Variants in DMGDH observed in about 807,000 individuals in gnomAD.
DMGDH encodes dimethylglycine dehydrogenase, mitochondrial.
In DMGDH, 76 loss-of-function variants were observed where a neutral mutation model predicts 95.2. The ratio of observed to expected loss-of-function variants is 0.80; its 90% confidence interval spans 0.66 to 0.97. The LOEUF (loss-of-function observed/expected upper bound fraction) is 0.97, where lower values mean the gene tolerates loss of function less well. DMGDH is among the 50% of genes least tolerant of loss of function. The pLI, the probability that DMGDH is intolerant of heterozygous loss-of-function variation, is 0.00. For synonymous variants in DMGDH, 345 were observed against 377.6 expected, an observed-to-expected ratio of 0.91 and a Z score of 1.00; for missense variants, 987 against 1,055.0, an observed-to-expected ratio of 0.94 and a Z score of 0.89.
chr5:79,046,809 AT>A (rs1174661265), intron 5 of DMGDH, among the ~76,000 whole-genome samples: 1 of 152,214 alleles, frequency 6.6e-6, no homozygotes, highest in African/African-American at 2.4e-5. Context: ...AAAAATCAAA[AT>A]TTTTAGCTAA....
Position 79,051,333 on chromosome 5 carries a change from T to C in DMGDH, c.699A>G (p.Glu233=). ...KARSDGTWDV[E]TPQGSMRANR... ...TTGCTCTCATAGACCCCTGTGGTGT[T>C]TCAACGTCCCATGTTCCATCTGACC... The change falls in exon 5 of 16, where the codon GAA becomes GAG. Residue 233 remains glutamate (E), a synonymous_variant. Coordinates refer to ENST00000255189, the MANE Select transcript of DMGDH (RefSeq NM_013391.3). The C allele has an allele frequency of 6.2e-7, 1 of 1,614,192 alleles. No homozygotes were observed. Among genetic ancestry groups the C allele is most frequent in the Non-Finnish European group, 8.5e-7 (1 of 1,180,036 alleles).
At chr5:79,007,406 T>C (rs1753571544) in intron 14 of DMGDH, among the ~76,000 whole-genome samples, 6 of 152,156 alleles carry the variant, frequency 3.9e-5, no homozygotes, top group Admixed American at 3.9e-4. Context: ...TAAACTCAGA[T>C]TTTGGTATAT....
intron 9 of DMGDH, 46 bp downstream of exon 9, chr5:79,032,641 T>G: frequency 6.2e-7 from 1 of 1,613,574 alleles, no homozygotes; most frequent in Non-Finnish European, 8.5e-7. Context: ...GTCCCGTTGT[T>G]TCACCCCTCG....
chr5:79,054,702 G>A (rs1754971413), intron 3 of DMGDH, among the ~76,000 whole-genome samples: 1 of 152,168 alleles, frequency 6.6e-6, no homozygotes, highest in Non-Finnish European at 1.5e-5. Flanking sequence ...AACAAAAACT[G>A]TATGAAAAAG....
intron 2 of DMGDH, among the ~76,000 whole-genome samples, chr5:79,062,193 TCTC>T (rs1452253976): frequency 6.6e-6 from 1 of 151,814 alleles, no homozygotes; most frequent in Non-Finnish European, 1.5e-5. Context: ...ACCTCCTTCT[TCTC>T]CTCCTCCATC....
At position 79,026,471 on chromosome 5, in the gene DMGDH, T is replaced by C. The variant is rs748253128; in HGVS notation, c.2143A>G (p.Met715Val). The part of the protein sequence containing the change: ...EGIDNFGTYA[M>V]NALRLEKAFR... ...GCTTTCTCCAGGCGTAAGGCATTCA[T>C]GGCATAGGTTCCAAAATTGTCGATT... The change falls in exon 13 of 16, where the codon ATG (methionine) becomes GTG (valine). Residue 715 changes from methionine to valine, a missense_variant. Physicochemically the swap from Met to Val is conservative, Grantham distance 21. Transcript: ENST00000255189. 5 of 1,614,162 alleles carry C rather than the reference T, an allele frequency of 3.1e-6. No individual in the cohort carries two copies. Among genetic ancestry groups the C allele is most frequent in the African/African-American group, 1.3e-5 (1 of 75,028 alleles).
intron 14 of DMGDH, among the ~76,000 whole-genome samples, chr5:79,005,748 C>T (rs950910419): frequency 4.6e-5 from 7 of 152,124 alleles, no homozygotes; most frequent in South Asian, 2.1e-4. Context: ...TACGGGCTGT[C>T]GGTAAGCAAT....
intron 12 of DMGDH, 69 bp from the exon 13 acceptor site, chr5:79,026,650 A>G (rs932259792): frequency 1.9e-6 from 3 of 1,601,006 alleles, no homozygotes; most frequent in Non-Finnish European, 1.7e-6. Context: ...TGCATTAGCT[A>G]GAACACATAT....
At chr5:79,005,686 G>T (rs1226135353) in intron 14 of DMGDH, among the ~76,000 whole-genome samples, 2 of 152,158 alleles carry the variant, frequency 1.3e-5, no homozygotes, top group African/African-American at 4.8e-5. Flanking sequence ...AAGGCATGTT[G>T]CAATGGTGGA....
intron 6 of DMGDH, 125 bp downstream of exon 6, chr5:79,044,179 C>G: frequency 7.2e-7 from 1 of 1,380,010 alleles, no homozygotes; most frequent in Admixed American, 1.7e-5. Context: ...CCTGTCACCT[C>G]CAATGTCCCA....
intron 5 of DMGDH, among the ~76,000 whole-genome samples, chr5:79,049,233 T>C (rs1021361066): frequency 1.3e-5 from 2 of 152,210 alleles, no homozygotes; most frequent in Non-Finnish European, 2.9e-5. Flanking sequence ...TCATTCTATC[T>C]TCCTCTTCAG....
At chr5:79,063,142 G>A (rs1477650835) in intron 2 of DMGDH, among the ~76,000 whole-genome samples, 1 of 151,512 alleles carries the variant, frequency 6.6e-6, no homozygotes, top group South Asian at 2.1e-4. Flanking sequence ...GTAAATAAAA[G>A]GACCACCAAA....
intron 5 of DMGDH, among the ~76,000 whole-genome samples, chr5:79,046,745 T>C (rs1754686793): frequency 6.6e-6 from 1 of 152,178 alleles, no homozygotes; most frequent in African/African-American, 2.4e-5. Flanking sequence ...TGTACAAAAA[T>C]ATAGTAAAGC....
chr5:79,009,365 C>CTTTTTTTTTT (rs34398829), intron 14 of DMGDH, among the ~76,000 whole-genome samples: 2 of 132,498 alleles, frequency 1.5e-5, no homozygotes, highest in African/African-American at 6.0e-5. Flanking sequence ...CTTTTCTTTT[C>CTTTTTTTTTT]TTTTTTTTTT....
At chr5:79,000,835 G>A in intron 15 of DMGDH, 1 of 632,718 alleles carries the variant, frequency 1.6e-6, no homozygotes, top group Non-Finnish European at 2.9e-6. Flanking sequence ...CAGATGGGGT[G>A]GCCACATATA....
intron 5 of DMGDH, among the ~76,000 whole-genome samples, chr5:79,045,441 T>C (rs925375806): frequency 3.9e-5 from 6 of 152,186 alleles, no homozygotes; most frequent in African/African-American, 1.4e-4. Context: ...CTTCAGTACA[T>C]AGATGTGGGA....
chr5:79,037,717 A>G (rs1468921001), intron 7 of DMGDH, among the ~76,000 whole-genome samples: 1 of 152,188 alleles, frequency 6.6e-6, no homozygotes, highest in African/African-American at 2.4e-5. Context: ...TTTCTTTAGC[A>G]ATTAGTTAAT....
chr5:79,005,264 A>G lies in DMGDH; in HGVS notation c.2385+9T>C, dbSNP rs772536937. 1 of 1,613,424 alleles carries G rather than the reference A, an allele frequency of 6.2e-7. No homozygotes were observed. The highest frequency in any genetic ancestry group is 8.5e-7 in the Non-Finnish European group (1 of 1,179,858). ...CACAGCCCCTGGCAGTGAGGTCCTC[A>G]GCACTCACCTTGCCATTGTACCAGA... On this transcript the variant is annotated intron_variant, in intron 15 of 15. Transcript: ENST00000255189.
intron 10 of DMGDH, 186 bp downstream of exon 10, chr5:79,030,647 C>CAAA (rs59687681): frequency 2.6e-4 from 100 of 386,204 alleles, no homozygotes; most frequent in Admixed American, 3.9e-4. Context: ...CTCTGTCTCT[C>CAAA]AAAAAAAAAA....
Sources: gnomAD v4.1 joint callset for allele counts (sites outside exome capture counted in the v4.1 genomes callset) on GRCh38, gnomAD v4.1.1 for gene constraint, MANE v1.5 for transcripts, NCBI Gene and HGNC (gene_info 2026-07-23, HGNC 2026-07-21) for gene names.